Variants in SLC35F4 observed in about 807,000 individuals in gnomAD.
SLC35F4 encodes the protein solute carrier family 35 member F4, also known as chromosome 14 open reading frame 36.
Under a neutral mutation model 44.2 loss-of-function variants are expected in SLC35F4, and 24 were observed. The ratio of observed to expected loss-of-function variants is 0.54; its 90% CI spans 0.39 to 0.76. The LOEUF (loss-of-function observed/expected upper bound fraction) is 0.76, where lower values mean the gene tolerates loss of function less well. SLC35F4 is among the 30% of genes least tolerant of loss of function. The pLI, the probability that SLC35F4 is intolerant of heterozygous loss-of-function variation, is 0.00. For synonymous variants in SLC35F4, 238 were observed against 223.6 expected, an observed-to-expected ratio of 1.06 and a Z score of -0.57; for missense variants, 562 against 586.1, an observed-to-expected ratio of 0.96 and a Z score of 0.42.
chr14:57,768,287 C>T (rs146361144), intron 1 of SLC35F4, among the ~76,000 whole-genome samples: 4 of 152,248 alleles, frequency 2.6e-5, no homozygotes, highest in African/African-American at 4.8e-5. Flanking sequence ...TTTTTAAAAA[C>T]GTATTTGCCT....
chr14:57,869,172 T>C (rs1391164749), upstream of SLC35F4, among the ~76,000 whole-genome samples: 1 of 151,858 alleles, frequency 6.6e-6, no homozygotes, highest in African/African-American at 2.4e-5. Context: ...TAATTGAGTA[T>C]ACAATTAGGT....
chr14:57,680,093 T>C (rs2074842997), intron 1 of SLC35F4, among the ~76,000 whole-genome samples: 1 of 152,090 alleles, frequency 6.6e-6, no homozygotes, highest in African/African-American at 2.4e-5. Flanking sequence ...CAGGCCAATA[T>C]ACCTGATGAA....
At position 57,622,474 on chromosome 14, in the gene SLC35F4, G is replaced by C. The variant is rs574252363; in HGVS notation, c.104-28350C>G. Among the ~76,000 whole-genome samples the C allele has an allele frequency of 9.3e-3, 1,386 of 148,774 alleles. 9 individuals are homozygous for C. Among genetic ancestry groups the C allele is most frequent in the Non-Finnish European group, 0.014 (949 of 66,994 alleles). ...GAAAATGTGGCACATATACACCATG[G>C]AATACTATGCAGCCATAAAAAATTA... On this transcript the variant is annotated intron_variant, in intron 1 of 7. Coordinates refer to ENST00000556826, the MANE Select transcript of SLC35F4 (RefSeq NM_001306087.2).
intron 1 of SLC35F4, among the ~76,000 whole-genome samples, chr14:57,863,873 CA>C (rs1887890392): frequency 6.6e-6 from 1 of 152,210 alleles, no homozygotes; most frequent in African/African-American, 2.4e-5. Flanking sequence ...GTGCCCATCA[CA>C]AATAACCATG....
rs952203610 is a variant in SLC35F4, at chr14:57,829,043, G to A, written c.103+36680C>T. Among the ~76,000 whole-genome samples, 4 of 152,086 alleles carry A rather than the reference G, an allele frequency of 2.6e-5. 1 individual carries two copies. Among genetic ancestry groups the A allele is most frequent in the South Asian group, 4.1e-4 (2 of 4,826 alleles). ...CACATGCTTATTAGGTTCTGCAATA[G>A]GTACAAAATATAATATTTGGGCCTG... is the stretch of plus-strand genomic sequence containing the variant. On this transcript the variant is annotated intron_variant, in intron 1 of 7. Coordinates refer to ENST00000556826, the MANE Select transcript of SLC35F4 (RefSeq NM_001306087.2).
intron 6 of SLC35F4, among the ~76,000 whole-genome samples, chr14:57,567,096 C>T (rs1004672738): frequency 3.9e-5 from 6 of 152,240 alleles, no homozygotes; most frequent in Admixed American, 2.0e-4. Flanking sequence ...ATTCCAGAGA[C>T]TGTCTCCACA....
chr14:57,641,954 A>G (rs2073262591), intron 1 of SLC35F4, among the ~76,000 whole-genome samples: 1 of 152,038 alleles, frequency 6.6e-6, no homozygotes. Context: ...AGTTACTTGG[A>G]TGTACTATTG....
intron 1 of SLC35F4, among the ~76,000 whole-genome samples, chr14:57,734,454 T>C (rs986134286): frequency 1.3e-5 from 2 of 152,226 alleles, no homozygotes; most frequent in Non-Finnish European, 2.9e-5. Flanking sequence ...TAAAGTCACA[T>C]ACACGTATAA....
intron 1 of SLC35F4, among the ~76,000 whole-genome samples, chr14:57,935,320 C>T (rs904999473): frequency 1.3e-5 from 2 of 152,196 alleles, no homozygotes; most frequent in Non-Finnish European, 2.9e-5. Flanking sequence ...CTAGGGAATA[C>T]AGTTTTCCCT....
chr14:57,977,172 T>C (rs1368673968), intron 1 of SLC35F4, among the ~76,000 whole-genome samples: 1 of 152,030 alleles, frequency 6.6e-6, no homozygotes, highest in East Asian at 1.9e-4. Context: ...AAAGATATAG[T>C]GCTTAGGGGA....
chr14:57,868,154 A>G (rs940519984), upstream of SLC35F4, among the ~76,000 whole-genome samples: 1 of 152,232 alleles, frequency 6.6e-6, no homozygotes, highest in African/African-American at 2.4e-5. Flanking sequence ...CATACCCGCA[A>G]GAGTCTATGT....
intron 1 of SLC35F4, among the ~76,000 whole-genome samples, chr14:57,703,959 C>T (rs1462037349): frequency 6.6e-6 from 1 of 152,138 alleles, no homozygotes; most frequent in African/African-American, 2.4e-5. Context: ...AGCCACAGAA[C>T]TCCAAAGACC....
chr14:57,874,163 C>T lies in SLC35F4; in HGVS notation n.282+107750G>A, dbSNP rs1888350667. Among the ~76,000 whole-genome samples, 4 of 152,280 alleles carry T rather than the reference C, an allele frequency of 2.6e-5. No homozygotes were observed. In the South Asian group the frequency reaches 8.3e-4, roughly 32 times the overall value. ...TCTTCATCTGACTACTACTACTCCT[C>T]CCTCAGCTGTTTCAAAAGGATTTTC... On this transcript the variant is annotated intron_variant and non_coding_transcript_variant, in intron 1 of 1. Transcript: ENST00000556568.
At chr14:57,628,363 T>C (rs546018191) in intron 1 of SLC35F4, among the ~76,000 whole-genome samples, 182 of 141,442 alleles carry the variant, frequency 1.3e-3, no homozygotes, top group Non-Finnish European at 2.4e-3. Flanking sequence ...GTTTGTTACA[T>C]AGCTATACAT....
At chr14:57,582,208 T>A (rs2069329240) in intron 3 of SLC35F4, among the ~76,000 whole-genome samples, 1 of 152,036 alleles carries the variant, frequency 6.6e-6, no homozygotes, top group African/African-American at 2.4e-5. Context: ...ACATGATTTT[T>A]TTTTTCCCCC....
At chr14:57,906,418 T>C (rs1355043874) in intron 1 of SLC35F4, among the ~76,000 whole-genome samples, 1 of 152,246 alleles carries the variant, frequency 6.6e-6, no homozygotes, top group Non-Finnish European at 1.5e-5. Flanking sequence ...CATTCTTTTT[T>C]AAGTTTTTTG....
intron 1 of SLC35F4, among the ~76,000 whole-genome samples, chr14:57,758,299 A>G (rs2077043977): frequency 6.6e-6 from 1 of 152,052 alleles, no homozygotes. Flanking sequence ...AATTACCCAT[A>G]TATATGCCTT....
At chr14:57,730,793 CAAGGAAGTCTGT>C (rs2140471176) in intron 1 of SLC35F4, among the ~76,000 whole-genome samples, 1 of 3,722 alleles carries the variant, frequency 2.7e-4, no homozygotes, top group Admixed American at 3.5e-3. Flanking sequence ...ATAAGTCTGT[CAAGGAAGTCTGT>C]CAAGGAAGCA....
At chr14:57,789,673 A>G (rs180937432) in intron 1 of SLC35F4, among the ~76,000 whole-genome samples, 67 of 152,260 alleles carry the variant, frequency 4.4e-4, no homozygotes, top group Non-Finnish European at 5.4e-4. Context: ...TGATATCAAA[A>G]CCTGGCAGAG....
Sources: allele counts gnomAD v4.1 joint callset (sites outside exome capture counted in the v4.1 genomes callset), GRCh38; gene constraint gnomAD v4.1.1; transcripts MANE v1.5; gene names NCBI Gene and HGNC (gene_info 2026-07-23, HGNC 2026-07-21).